Variants in GK observed in about 807,000 individuals in gnomAD.
GK encodes the protein glycerol kinase.
GK carries 9 observed loss-of-function variants against 56.4 expected under a neutral mutation model. The observed-to-expected ratio is 0.16, with a 90% confidence interval of 0.10 to 0.28. The LOEUF (loss-of-function observed/expected upper bound fraction) is 0.28. Ranked by LOEUF, GK falls within the 10% of genes least tolerant of loss-of-function variation. GK has a pLI of 1.00. For synonymous variants in GK, 104 were observed against 144.1 expected (o/e 0.72, Z 1.99); for missense variants, 161 against 431.4 (o/e 0.37, Z 5.55).
rs750481158 is a variant in GK, at chrX:30,694,556, G to A, written c.552+19G>A. 1.7e-6 allele frequency: 2 copies of A among 1,170,603 alleles called. No individual in the cohort carries two copies. The highest frequency in any genetic ancestry group is 4.4e-5 in the Admixed American group (2 of 45,480). On this transcript the variant is annotated intron_variant, in intron 6 of 20. Transcript: ENST00000427190. The stretch of plus-strand genomic sequence containing the variant: ...TATTTGGGTATGTTTAAATATAATG[G>A]ATATATGGAGAATTTTTTCAGAAAT...
intron 14 of GK, 121 bp from the exon 15 acceptor site, chrX:30,719,298 C>A: frequency 2.0e-6 from 1 of 493,377 alleles, no homozygotes; most frequent in Non-Finnish European, 3.6e-6. Flanking sequence ...ACATTTTGCT[C>A]TACCAATGAA....
intron 12 of GK, 148 bp downstream of exon 12, chrX:30,707,746 A>G: frequency 2.2e-6 from 1 of 454,997 alleles, no homozygotes; most frequent in East Asian, 3.8e-5. Flanking sequence ...CAAAATTTGA[A>G]TCGTTCTAAT....
At chrX:30,707,408 G>T in intron 11 of GK, 148 bp from the exon 12 acceptor site, 3 of 403,843 alleles carry the variant, frequency 7.4e-6, no homozygotes, top group Non-Finnish European at 1.3e-5. Context: ...GAAGATATAT[G>T]ATTTTTGTTA....
chrX:30,698,621 G>A (rs1001113572), intron 9 of GK, among the ~76,000 whole-genome samples: 1 of 108,201 alleles, frequency 9.2e-6, no homozygotes, highest in African/African-American at 3.4e-5. Flanking sequence ...GGAGAATGGC[G>A]TGAACCTGGG....
chrX:30,689,259 T>C (rs1370150890), intron 4 of GK, among the ~76,000 whole-genome samples: 1 of 112,098 alleles, frequency 8.9e-6, no homozygotes, highest in Non-Finnish European at 1.9e-5. Flanking sequence ...TAGGATTGCT[T>C]ACCTGTAAGG....
At chrX:30,662,826 TC>T in intron 1 of GK, among the ~76,000 whole-genome samples, 1 of 13,475 alleles carries the variant, frequency 7.4e-5, no homozygotes, top group Non-Finnish European at 1.7e-4. Context: ...TCTCTCTCTC[TC>T]TCTCTCTTTC....
chrX:30,657,405 C>A (rs1364235970), intron 1 of GK, among the ~76,000 whole-genome samples: 3 of 112,124 alleles, frequency 2.7e-5, no homozygotes, highest in African/African-American at 9.7e-5. Flanking sequence ...GTAGGAACTT[C>A]TTGGAAAGAG....
intron 6 of GK, among the ~76,000 whole-genome samples, chrX:30,695,430 T>A (rs746069411): frequency 1.2e-4 from 14 of 112,458 alleles, no homozygotes; most frequent in Non-Finnish European, 2.2e-4. Flanking sequence ...TTTGGCTATA[T>A]CCCACTGGAT....
intron 13 of GK, among the ~76,000 whole-genome samples, chrX:30,717,155 G>A (rs1037533032): frequency 1.8e-5 from 2 of 111,281 alleles, no homozygotes; most frequent in African/African-American, 6.5e-5. Context: ...CTGAGGACAG[G>A]TCCCTACATT....
intron 9 of GK, among the ~76,000 whole-genome samples, chrX:30,699,212 T>C (rs1353476152): frequency 2.0e-5 from 2 of 101,284 alleles, no homozygotes; most frequent in African/African-American, 7.1e-5. Flanking sequence ...ATGTTATATA[T>C]ATACATGTTA....
chrX:30,693,007 TTTTC>T (rs1935050558), intron 5 of GK, among the ~76,000 whole-genome samples: 1 of 100,639 alleles, frequency 9.9e-6, no homozygotes, highest in Non-Finnish European at 2.0e-5. Flanking sequence ...TTTCTTTTTC[TTTTC>T]TTTTTTTTTT....
At chrX:30,660,915 C>T (rs772854065) in intron 1 of GK, among the ~76,000 whole-genome samples, 5 of 105,760 alleles carry the variant, frequency 4.7e-5, no homozygotes, top group South Asian at 4.3e-4. Context: ...TGGGTTCAAT[C>T]GATTCTCCTG....
intron 13 of GK, among the ~76,000 whole-genome samples, chrX:30,713,784 C>T (rs1601943683): frequency 8.9e-6 from 1 of 111,986 alleles, no homozygotes; most frequent in Admixed American, 9.5e-5. Context: ...CTCTGGCATC[C>T]TTGTTCCTCT....
chrX:30,728,886 C>T lies in GK; in HGVS notation c.*144C>T. ...TTGCTGCATGACCCTCCAAGTAGACCTGTGGCTTAAAATAAAGAAAATGCA... is the reference window on the plus strand; with the variant it reads ...TTGCTGCATGACCCTCCAAGTAGACTTGTGGCTTAAAATAAAGAAAATGCA... On this transcript the variant is annotated 3_prime_UTR_variant, in exon 21 of 21. Coordinates refer to ENST00000427190, the MANE Select transcript of GK (RefSeq NM_001205019.2). 1 of 492,955 alleles carries T rather than the reference C, an allele frequency of 2.0e-6. No individual in the cohort carries two copies. 40.6% of individuals were successfully genotyped at this position (492,955 alleles called of 1,213,427 possible).
chrX:30,706,580 T>C (rs1032710716), intron 11 of GK, among the ~76,000 whole-genome samples: 1 of 112,326 alleles, frequency 8.9e-6, no homozygotes, highest in Non-Finnish European at 1.9e-5. Context: ...GGTATCACTT[T>C]GGGCCACTTA....
intron 13 of GK, among the ~76,000 whole-genome samples, chrX:30,713,975 C>T (rs1005703656): frequency 1.8e-5 from 2 of 112,005 alleles, no homozygotes; most frequent in African/African-American, 6.5e-5. Context: ...AGCAGGCTGG[C>T]AGATAATACA....
intron 4 of GK, among the ~76,000 whole-genome samples, chrX:30,686,584 C>T (rs756658037): frequency 7.2e-5 from 8 of 110,892 alleles, no homozygotes; most frequent in Non-Finnish European, 1.1e-4. Context: ...TCATGACTAA[C>T]GAAAAACTGG....
intron 1 of GK, among the ~76,000 whole-genome samples, chrX:30,660,038 C>T (rs1019507361): frequency 1.8e-5 from 2 of 111,828 alleles, no homozygotes; most frequent in African/African-American, 3.3e-5. Context: ...CGTGAGCCAC[C>T]GGGCCTGGCC....
chrX:30,694,249 T>G, intron 5 of GK, 151 bp from the exon 6 acceptor site: 5 of 527,531 alleles, frequency 9.5e-6, no homozygotes, highest in Middle Eastern at 5.4e-4. Context: ...TCCTGTGCCA[T>G]GAGACAGGAA....
Sources: gnomAD v4.1 joint callset for allele counts (sites outside exome capture counted in the v4.1 genomes callset) on GRCh38, gnomAD v4.1.1 for gene constraint, MANE v1.5 for transcripts, NCBI Gene and HGNC (gene_info 2026-07-23, HGNC 2026-07-21) for gene names.